The following ITGB2 variants were observed in gnomAD, a reference collection of about 807,000 sequenced individuals.
The protein encoded by ITGB2 is integrin beta-2.
A neutral mutation model predicts 86.8 loss-of-function variants in ITGB2; 56 were observed. The observed-to-expected ratio is 0.65, with a 90% CI of 0.52 to 0.81. The LOEUF (loss-of-function observed/expected upper bound fraction) is 0.81, where lower values mean the gene tolerates loss of function less well. Among genes scored for constraint, ITGB2 ranks in the 30% least tolerant of loss-of-function variants. The probability of loss-of-function intolerance (pLI) is 0.00; values close to 1 mark genes in which losing one functional copy is unlikely to be tolerated. For missense variants in ITGB2, 948 were observed against 1,061.2 expected (o/e 0.89, Z 1.48); for synonymous variants, 457 against 450.4 (o/e 1.01, Z -0.19).
intron 5 of ITGB2, among the ~76,000 whole-genome samples, chr21:44,902,385 G>C (rs2083974201): frequency 6.6e-6 from 1 of 152,054 alleles, no homozygotes; most frequent in South Asian, 2.1e-4. Context: ...GCATTCACGT[G>C]TGTGAGCGTG....
intron 14 of ITGB2, 36 bp from the exon 15 acceptor site, chr21:44,886,938 G>A: frequency 1.2e-6 from 2 of 1,608,244 alleles, no homozygotes; most frequent in Non-Finnish European, 1.7e-6. Flanking sequence ...CGTCAGTCCA[G>A]CCCCATCTCA....
At position 44,915,529 on chromosome 21, in the gene ITGB2, G is replaced by T. The variant is rs554598105; in HGVS notation, c.-3-4744C>A. On this transcript the variant is annotated intron_variant, in intron 1 of 15. Coordinates refer to ENST00000652462, the MANE Select transcript of ITGB2 (RefSeq NM_000211.5). ...GATGGACGATGCCGCCAGGGGACAA[G>T]GTTGGAAGGAAGAGGACATGGGAGC... Among the ~76,000 whole-genome samples the T allele has an allele frequency of 1.1e-4, 16 of 152,324 alleles. No homozygotes were observed. In the South Asian group the frequency reaches 3.3e-3, roughly 32 times the overall value.
chr21:44,909,706 G>T (rs956886728), intron 3 of ITGB2, among the ~76,000 whole-genome samples: 1 of 152,196 alleles, frequency 6.6e-6, no homozygotes, highest in Non-Finnish European at 1.5e-5. Flanking sequence ...AATATGCGTA[G>T]TGTGTAGGTT....
intron 10 of ITGB2, 124 bp from the exon 11 acceptor site, chr21:44,892,120 AC>A: frequency 1.1e-6 from 1 of 937,562 alleles, no homozygotes; most frequent in Non-Finnish European, 1.7e-6. Context: ...GGAAGGGGTG[AC>A]CAGGAGCAGG....
At chr21:44,898,838 C>A (rs1000111849) in intron 8 of ITGB2, among the ~76,000 whole-genome samples, 2 of 152,218 alleles carry the variant, frequency 1.3e-5, no homozygotes, top group Non-Finnish European at 2.9e-5. Context: ...GTTAACACAG[C>A]TGAGTTTCAG....
intron 4 of ITGB2, among the ~76,000 whole-genome samples, chr21:44,904,912 C>T (rs2084020508): frequency 6.6e-6 from 1 of 152,206 alleles, no homozygotes; most frequent in South Asian, 2.1e-4. Flanking sequence ...TGGCCCTGGC[C>T]CTCGCCCTGC....
At chr21:44,890,404 G>A (rs1353006367) in intron 11 of ITGB2, among the ~76,000 whole-genome samples, 182 bp from the exon 12 acceptor site, 1 of 152,228 alleles carries the variant, frequency 6.6e-6, no homozygotes, top group Admixed American at 6.5e-5. Flanking sequence ...CAGGGGCCCC[G>A]CGTTCCCTCC....
chr21:44,899,257 C>G (rs920320211), intron 7 of ITGB2, 95 bp from the exon 8 acceptor site: 4 of 944,304 alleles, frequency 4.2e-6, no homozygotes, highest in African/African-American at 1.6e-5. Flanking sequence ...CAGCCCTGCC[C>G]GTGCTTCGAA....
At chr21:44,912,129 T>C (rs1376233643) in intron 1 of ITGB2, among the ~76,000 whole-genome samples, 9 of 152,172 alleles carry the variant, frequency 5.9e-5, no homozygotes, top group Non-Finnish European at 1.5e-5. Context: ...CCAGTTCCTG[T>C]CACGGCCTCC....
chr21:44,914,823 C>T (rs1167972075), intron 1 of ITGB2, among the ~76,000 whole-genome samples: 3 of 152,186 alleles, frequency 2.0e-5, no homozygotes, highest in South Asian at 2.1e-4. Context: ...GTCCCAGTTA[C>T]TCAGGAGGCT....
At chr21:44,904,915 C>T (rs1206057306) in intron 4 of ITGB2, among the ~76,000 whole-genome samples, 3 of 152,150 alleles carry the variant, frequency 2.0e-5, no homozygotes, top group Admixed American at 1.3e-4. Flanking sequence ...CCCTGGCCCT[C>T]GCCCTGCTGT....
At chr21:44,895,770 C>T (rs1383437724) in intron 8 of ITGB2, among the ~76,000 whole-genome samples, 1 of 143,362 alleles carries the variant, frequency 7.0e-6, no homozygotes, top group Non-Finnish European at 1.5e-5. Context: ...AGGCGGAGGT[C>T]GCAATGAGCT....
chr21:44,919,704 C>T (rs560228628), intron 1 of ITGB2, among the ~76,000 whole-genome samples: 6 of 152,364 alleles, frequency 3.9e-5, no homozygotes, highest in African/African-American at 9.6e-5. Context: ...CCATCCCCCC[C>T]CTTCCCCATT....
rs1431481265 is a variant in ITGB2 at position 44,901,510 on chromosome 21, C to A, written c.723G>T (p.Met241Ile). 1 of 1,614,190 alleles carries A rather than the reference C, an allele frequency of 6.2e-7. No individual in the cohort carries two copies. The highest frequency in any genetic ancestry group is 8.5e-7 in the Non-Finnish European group (1 of 1,180,032). ...DAPEGGLDAM[M>I]QVAACPEEIG... is the part of the protein sequence containing the mutation. ...GCCTCACCGGGCAGGCGGCGACCTG[C>A]ATCATGGCGTCCAGCCCACCCTCGG... is the stretch of plus-strand genomic sequence containing the variant. Residue 241 changes from methionine to isoleucine, a missense_variant, in exon 6 of 16, where the codon ATG (methionine) becomes ATT (isoleucine). Met to Ile is a conservative substitution (Grantham distance 10). Transcript: ENST00000652462.
At chr21:44,904,999 A>C (rs935429788) in intron 4 of ITGB2, among the ~76,000 whole-genome samples, 4 of 152,236 alleles carry the variant, frequency 2.6e-5, no homozygotes, top group African/African-American at 9.6e-5. Context: ...AGGGCCAGAC[A>C]GTAAATGTGT....
rs776928268 is a variant in ITGB2 at position 44,900,350 on chromosome 21, C to T, written c.867G>A (p.Glu289=). Residue 289 remains glutamate, a synonymous_variant, in exon 7 of 16, where the codon GAG becomes GAA. Coordinates refer to ENST00000652462, the MANE Select transcript of ITGB2 (RefSeq NM_000211.5). ...CGTTGCTCCTCTTGTACAAGTTGTCCTCCAGGTGACAGCGGCCGTCGTTGG... is the reference window on the plus strand; with the variant it reads ...CGTTGCTCCTCTTGTACAAGTTGTCTTCCAGGTGACAGCGGCCGTCGTTGG... ...LTPNDGRCHL[E]DNLYKRSNEF... is the part of the protein sequence containing the mutation. 1.2e-6 allele frequency: 2 copies of T among 1,614,086 alleles called. No individual in the cohort carries two copies. The highest frequency in any genetic ancestry group is 1.1e-5 in the South Asian group (1 of 91,084).
At chr21:44,889,915 AC>A (rs1159055749) in intron 12 of ITGB2, 62 bp downstream of exon 12, 15 of 1,602,102 alleles carry the variant, frequency 9.4e-6, no homozygotes, top group South Asian at 2.2e-5. Flanking sequence ...TCCAGAACGC[AC>A]CCCCCAACAC....
At chr21:44,914,908 AGTT>A (rs984730662) in intron 1 of ITGB2, among the ~76,000 whole-genome samples, 43 of 151,898 alleles carry the variant, frequency 2.8e-4, no homozygotes, top group African/African-American at 1.0e-3. Context: ...ACTCCAGCCT[AGTT>A]GACAGAACGA....
intron 12 of ITGB2, 131 bp downstream of exon 12, chr21:44,889,847 G>T: frequency 7.4e-7 from 1 of 1,358,898 alleles, no homozygotes; most frequent in Admixed American, 1.7e-5. Flanking sequence ...CGGTGGCTGG[G>T]CGAGACTTGC....
Sources: gnomAD v4.1 joint callset for allele counts (sites outside exome capture counted in the v4.1 genomes callset) on GRCh38, gnomAD v4.1.1 for gene constraint, MANE v1.5 for transcripts, NCBI Gene and HGNC (gene_info 2026-07-23, HGNC 2026-07-21) for gene names.